The following ST7 variants were observed in gnomAD, a reference collection of about 807,000 sequenced individuals.
The protein encoded by ST7 is suppression of tumorigenicity 7.
In ST7, 28 loss-of-function variants were observed where a neutral mutation model predicts 78.7. That is an observed-to-expected ratio of 0.36 (90% CI 0.26 to 0.49). The LOEUF is 0.49. ST7 is among the 20% of genes least tolerant of loss of function. ST7 has a pLI of 0.99. For missense variants in ST7, 418 were observed against 696.0 expected (o/e 0.60, Z 4.49); for synonymous variants, 247 against 249.6 (o/e 0.99, Z 0.10).
chr7:116,958,829 A>T (rs956927778), intron 1 of ST7: 3 of 362,970 alleles, frequency 8.3e-6, no homozygotes, highest in South Asian at 4.4e-5. Flanking sequence ...TGCTAAAAAA[A>T]AAAATGCTAT....
At chr7:116,955,214 A>G (rs1374509297) in intron 1 of ST7, 8 of 426,992 alleles carry the variant, frequency 1.9e-5, no homozygotes, top group Non-Finnish European at 3.3e-5. Context: ...TTGTTTGAAT[A>G]TATGTTTTAA....
chr7:117,180,710 C>T (rs1383619998), intron 10 of ST7, among the ~76,000 whole-genome samples: 1 of 152,164 alleles, frequency 6.6e-6, no homozygotes, highest in Non-Finnish European at 1.5e-5. Context: ...AGTACAGTGA[C>T]ATGATCACAG....
chr7:117,021,277 C>T (rs904005151), intron 1 of ST7, among the ~76,000 whole-genome samples: 1 of 152,138 alleles, frequency 6.6e-6, no homozygotes, highest in Non-Finnish European at 1.5e-5. Flanking sequence ...CTAGGCAGGA[C>T]AGCAGTTGTA....
At chr7:116,961,870 A>G (rs1792850419) in intron 1 of ST7, among the ~76,000 whole-genome samples, 1 of 151,552 alleles carries the variant, frequency 6.6e-6, no homozygotes, top group Non-Finnish European at 1.5e-5. Flanking sequence ...GCACCTATCA[A>G]CCCGTCATCT....
chr7:117,224,520 A>G (rs760633793), intron 15 of ST7, among the ~76,000 whole-genome samples: 7 of 152,352 alleles, frequency 4.6e-5, no homozygotes, highest in Non-Finnish European at 1.0e-4. Context: ...ATATATTTAC[A>G]TTAAACAATT....
intron 1 of ST7, chr7:116,972,944 T>A: frequency 8.6e-7 from 1 of 1,169,532 alleles, no homozygotes; most frequent in Non-Finnish European, 1.3e-6. Flanking sequence ...GCACTCCGAT[T>A]CCTGCCTCCT....
At chr7:117,119,109 G>A (rs1049281952) in intron 2 of ST7, among the ~76,000 whole-genome samples, 75 of 151,980 alleles carry the variant, frequency 4.9e-4, no homozygotes, top group African/African-American at 1.6e-3. Flanking sequence ...TTCCTGCCCC[G>A]CCCCTACCCC....
In ST7 at chr7:116,972,227, C is replaced by T. The variant is rs1409620199; in HGVS notation, c.151+18536C>T. 3 of 535,066 alleles carry T rather than the reference C, an allele frequency of 5.6e-6. No homozygotes were observed. The African/African-American group carries it at 5.7e-5, about 10-fold the overall frequency. The allele number at this position is 535,066 out of a possible 1,614,324, so 33.1% of individuals were successfully genotyped here. On this transcript the variant is annotated intron_variant, in intron 1 of 15. Transcript: ENST00000323984. ...ATCTTTTGTGTACAGAGGCGCTGTCCTTTGGTGCATTTGAGTTTATCTTCC... is the reference window on the plus strand; with the variant it reads ...ATCTTTTGTGTACAGAGGCGCTGTCTTTTGGTGCATTTGAGTTTATCTTCC...
intron 1 of ST7, among the ~76,000 whole-genome samples, chr7:116,985,464 G>C (rs945808952): frequency 6.6e-6 from 1 of 152,180 alleles, no homozygotes; most frequent in Non-Finnish European, 1.5e-5. Flanking sequence ...GTAGTGGATA[G>C]TCAACATCAC....
At chr7:117,211,747 G>A (rs912691485) in intron 13 of ST7, among the ~76,000 whole-genome samples, 5 of 152,122 alleles carry the variant, frequency 3.3e-5, no homozygotes, top group Admixed American at 6.5e-5. Context: ...TTGGAAATTA[G>A]TTATCCATGT....
At chr7:117,089,347 C>T (rs1008896893) in intron 1 of ST7, among the ~76,000 whole-genome samples, 3 of 152,168 alleles carry the variant, frequency 2.0e-5, no homozygotes, top group South Asian at 2.1e-4. Context: ...GCTGGTCATG[C>T]GCCTTTGAAA....
intron 1 of ST7, among the ~76,000 whole-genome samples, chr7:117,077,173 C>T (rs1799413270): frequency 6.6e-6 from 1 of 152,148 alleles, no homozygotes; most frequent in African/African-American, 2.4e-5. Flanking sequence ...CTCTGATGTC[C>T]AGAGGCTTCT....
chr7:117,212,773 C>T (rs1042121139), intron 13 of ST7, among the ~76,000 whole-genome samples: 2 of 151,900 alleles, frequency 1.3e-5, no homozygotes, highest in Admixed American at 1.3e-4. Context: ...CATATGTATA[C>T]ACATATATTT....
At position 116,953,585 on chromosome 7, in the gene ST7, CAT is replaced by C. The variant is rs1407399379; in HGVS notation, c.47_48del (p.Ile16SerfsTer65). The C allele has an allele frequency of 6.7e-7, 1 of 1,489,210 alleles. No individual in the cohort carries two copies. The highest frequency in any genetic ancestry group is 9.0e-7 in the Non-Finnish European group (1 of 1,104,996). 92.2% of individuals were successfully genotyped at this position (1,489,210 alleles called of 1,614,324 possible). A position where few individuals can be genotyped will look rare whatever the true frequency, so the allele number is the denominator to read the frequency against. On this transcript the variant is annotated frameshift_variant, in exon 1 of 16. Transcript: ENST00000323984. LOFTEE classifies it high-confidence loss of function. ...TGFLEQLKSC[I>X]VWSWTYLWTV... is the part of the protein sequence containing the mutation. ...GCTTTCTGGAGCAGCTCAAGTCCTG[CAT>C]AGTTTGGTCTTGGACGTATCTGTGG...
chr7:117,162,218 T>G (rs57778199), intron 9 of ST7, among the ~76,000 whole-genome samples: 18,335 of 151,958 alleles, frequency 0.12, 2,020 homozygotes, highest in African/African-American at 0.29. Flanking sequence ...GACAGGTGGG[T>G]TCAGTCTTAA....
chr7:117,029,208 C>T (rs1202879579), intron 1 of ST7, among the ~76,000 whole-genome samples: 3 of 152,152 alleles, frequency 2.0e-5, no homozygotes, highest in African/African-American at 7.2e-5. Context: ...TTTTACATTC[C>T]CACTAGCAAT....
intron 1 of ST7, among the ~76,000 whole-genome samples, chr7:116,984,113 C>CTGTG (rs56178812): frequency 0.024 from 3,517 of 144,574 alleles, 68 homozygotes; most frequent in South Asian, 0.054. Context: ...TTTATGTCAG[C>CTGTG]TGTGTGTGTG....
chr7:117,196,968 G>T (rs541691887), intron 12 of ST7, among the ~76,000 whole-genome samples: 18 of 152,090 alleles, frequency 1.2e-4, no homozygotes, highest in Admixed American at 3.3e-4. Flanking sequence ...TTTGTGTATG[G>T]TGTAAGATAA....
chr7:117,012,243 T>A (rs1224841104), intron 1 of ST7, among the ~76,000 whole-genome samples: 4 of 152,162 alleles, frequency 2.6e-5, no homozygotes, highest in African/African-American at 9.7e-5. Context: ...TTTGGCCCAC[T>A]GTAGATTTGG....
Sources: allele counts gnomAD v4.1 joint callset (sites outside exome capture counted in the v4.1 genomes callset), GRCh38; gene constraint gnomAD v4.1.1; transcripts MANE v1.5; gene names NCBI Gene and HGNC (gene_info 2026-07-23, HGNC 2026-07-21).